Variants in CKAP2 observed in about 807,000 individuals in gnomAD.
CKAP2 encodes the protein cytoskeleton-associated protein 2.
Under a neutral mutation model 58.4 loss-of-function variants are expected in CKAP2, and 46 were observed. That is an observed-to-expected ratio of 0.79 (90% CI 0.62 to 1.01). The LOEUF is 1.01. Ranked by LOEUF, CKAP2 falls within the 50% of genes least tolerant of loss-of-function variation. The probability of loss-of-function intolerance (pLI) is 0.00; values close to 1 mark genes in which losing one functional copy is unlikely to be tolerated. For missense variants in CKAP2, 809 were observed against 796.4 expected (o/e 1.02, Z -0.19); for synonymous variants, 293 against 280.9 (o/e 1.04, Z -0.43).
intron 7 of CKAP2, among the ~76,000 whole-genome samples, chr13:52,471,107 A>C (rs191150606): frequency 6.6e-6 from 1 of 152,190 alleles, no homozygotes; most frequent in East Asian, 1.9e-4. Flanking sequence ...GCAGTGAGCC[A>C]AGATCGCACC....
chr13:52,456,469 C>A, intron 1 of CKAP2, 54 bp from the exon 2 acceptor site: 1 of 1,311,028 alleles, frequency 7.6e-7, no homozygotes, highest in South Asian at 1.2e-5. Flanking sequence ...ATTTATTTGC[C>A]GTTATCGATG....
rs771073982 is a variant in CKAP2 at position 52,461,461 on chromosome 13, C to G, written c.635C>G (p.Pro212Arg). ...ACAAAGAAACTTTCAGCCACTATAC[C>G]TAAAGCCACAAAACCTCAGCCTGTA... Reference protein sequence around the residue: ...AATKKLSATIPKATKPQPVNT... With the variant: ...AATKKLSATIRKATKPQPVNT... The change falls in exon 4 of 9, where the codon CCT becomes CGT. Residue 212 changes from proline (P) to arginine (R), a missense_variant. Physicochemically the swap from Pro to Arg is moderately radical, Grantham distance 103. This residue lies in a region of CKAP2 where 523 missense variants were observed against 492.4 expected (regional missense o/e 1.06). Coordinates refer to ENST00000258607, the MANE Select transcript of CKAP2 (RefSeq NM_018204.5). 8.1e-6 allele frequency: 13 copies of G among 1,614,148 alleles called. No individual in the cohort carries two copies. The highest frequency in any genetic ancestry group is 2.2e-5 in the East Asian group (1 of 44,878).
At chr13:52,466,461 G>A (rs1336684320) in intron 6 of CKAP2, among the ~76,000 whole-genome samples, 1 of 152,212 alleles carries the variant, frequency 6.6e-6, no homozygotes, top group Non-Finnish European at 1.5e-5. Context: ...TGGCTGTCAT[G>A]TGTAAAACTT....
At position 52,461,522 on chromosome 13, in the gene CKAP2, C is replaced by A; in HGVS notation, c.696C>A (p.Ser232=). 6.2e-7 allele frequency: 1 copy of A among 1,614,150 alleles called. No homozygotes were observed. The highest frequency in any genetic ancestry group is 8.5e-7 in the Non-Finnish European group (1 of 1,180,026). Residue 232 remains serine (S), a synonymous_variant, in exon 4 of 9, where the codon TCC becomes TCA. Coordinates refer to ENST00000258607, the MANE Select transcript of CKAP2 (RefSeq NM_018204.5). ...TSSVTVKSNR[S]SNMTATTKFV... Reference sequence around the variant, plus strand: ...GTGTAACAGTGAAAAGTAATAGATCCTCCAATATGACTGCCACTACTAAAT... The same window carrying A: ...GTGTAACAGTGAAAAGTAATAGATCATCCAATATGACTGCCACTACTAAAT...
intron 1 of CKAP2, chr13:52,456,123 C>T (rs945914663): frequency 7.8e-6 from 8 of 1,022,212 alleles, no homozygotes; most frequent in Admixed American, 5.7e-5. Flanking sequence ...TATTGTTATT[C>T]CCTTATTCTA....
At chr13:52,472,785 G>A (rs1177152599) in intron 7 of CKAP2, among the ~76,000 whole-genome samples, 2 of 152,172 alleles carry the variant, frequency 1.3e-5, no homozygotes, top group South Asian at 2.1e-4. Flanking sequence ...GGTGGCTCAC[G>A]CCTATAATCC....
intron 5 of CKAP2, among the ~76,000 whole-genome samples, chr13:52,464,972 CTG>C (rs1197526075): frequency 6.6e-6 from 1 of 152,078 alleles, no homozygotes; most frequent in Non-Finnish European, 1.5e-5. Flanking sequence ...TTATATGTAA[CTG>C]TGACATAAAC....
intron 5 of CKAP2, among the ~76,000 whole-genome samples, chr13:52,463,731 G>T (rs779701282): frequency 2.8e-4 from 42 of 152,208 alleles, no homozygotes; most frequent in Non-Finnish European, 6.0e-4. Flanking sequence ...GAGGCATTCT[G>T]CTGGGTGGCT....
chr13:52,463,389 G>A (rs1958613767), intron 5 of CKAP2, among the ~76,000 whole-genome samples: 1 of 151,938 alleles, frequency 6.6e-6, no homozygotes, highest in Admixed American at 6.6e-5. Context: ...TGGTTGTTTG[G>A]CAACACCATC....
At chr13:52,468,634 A>G (rs1376660469) in intron 7 of CKAP2, among the ~76,000 whole-genome samples, 1 of 152,194 alleles carries the variant, frequency 6.6e-6, no homozygotes, top group Non-Finnish European at 1.5e-5. Context: ...CACATGCAGT[A>G]TTTAGTTTTC....
At chr13:52,462,683 T>A (rs748315888) in intron 5 of CKAP2, 116 bp downstream of exon 5, 37 of 739,384 alleles carry the variant, frequency 5.0e-5, no homozygotes, top group Non-Finnish European at 8.1e-5. Context: ...GATACTATGT[T>A]GACTTAACAT....
rs765710419 is a variant in CKAP2 at position 52,460,946 on chromosome 13, C to A, written c.203C>A (p.Thr68Asn). ...TCTGAGGACCAAGTTCAAGAAGGGA[C>A]TAAAGTGCTGAAACTTAAAACAAAA... is the stretch of plus-strand genomic sequence containing the variant. ...VTSEDQVQEG[T>N]KVLKLKTKMA... Residue 68 changes from threonine to asparagine, a missense_variant, in exon 3 of 9, where the codon ACT becomes AAT. Physicochemically the swap from Thr to Asn is moderately conservative, Grantham distance 65 (BLOSUM62 0). Transcript: ENST00000258607. The A allele has an allele frequency of 1.9e-6, 3 of 1,613,310 alleles. No individual in the cohort carries two copies. Among genetic ancestry groups the A allele is most frequent in the Middle Eastern group, 1.6e-4 (1 of 6,082 alleles).
chr13:52,456,658 T>C (rs1464934783), intron 2 of CKAP2, 51 bp downstream of exon 2: 1 of 1,365,700 alleles, frequency 7.3e-7, no homozygotes, highest in Non-Finnish European at 1.0e-6. Flanking sequence ...ATCAGATCTG[T>C]CCAATGAAAA....
At chr13:52,459,251 A>G (rs750755510) in intron 2 of CKAP2, among the ~76,000 whole-genome samples, 3 of 152,228 alleles carry the variant, frequency 2.0e-5, no homozygotes, top group Non-Finnish European at 4.4e-5. Flanking sequence ...ACAAATAGAT[A>G]TGAAAGGCAA....
chr13:52,465,970 C>T (rs1215470929), intron 6 of CKAP2: 1 of 260,280 alleles, frequency 3.8e-6, no homozygotes, highest in Admixed American at 4.9e-5. Context: ...CATATATACA[C>T]ACATATATGC....
In CKAP2 at chr13:52,475,296, T is replaced by C. The variant is rs2137879030; in HGVS notation, c.*155T>C. On this transcript the variant is annotated 3_prime_UTR_variant, in exon 9 of 9. Coordinates refer to ENST00000258607, the MANE Select transcript of CKAP2 (RefSeq NM_018204.5). ...AGCTCCTTTACTAACATTCATGTTATGGCAAGAGTTGTCCTCTACATTGGA... is the reference window on the plus strand; with the variant it reads ...AGCTCCTTTACTAACATTCATGTTACGGCAAGAGTTGTCCTCTACATTGGA... The C allele has an allele frequency of 2.2e-6, 2 of 891,882 alleles. No individual in the cohort carries two copies. Among genetic ancestry groups the C allele is most frequent in the Non-Finnish European group, 3.3e-6 (2 of 599,274 alleles). The allele number at this position is 891,882 out of a possible 1,614,324, so 55.2% of individuals were successfully genotyped here.
At chr13:52,464,248 CA>C (rs202039890) in intron 5 of CKAP2, among the ~76,000 whole-genome samples, 21 of 149,644 alleles carry the variant, frequency 1.4e-4, no homozygotes, top group Middle Eastern at 3.4e-3. Context: ...CTAAAATACT[CA>C]AAAAAAAAAT....
chr13:52,461,245 A>G lies in CKAP2; in HGVS notation c.419A>G (p.His140Arg). Residue 140 changes from histidine (H) to arginine (R), a missense_variant, in exon 4 of 9, where the codon CAT becomes CGT. By Grantham distance (29) the His-to-Arg change is conservative (BLOSUM62 0). Coordinates refer to ENST00000258607, the MANE Select transcript of CKAP2 (RefSeq NM_018204.5). Reference protein sequence around the residue: ...LLTEDDPQSQHMTLSQAFHLK... With the variant: ...LLTEDDPQSQRMTLSQAFHLK... ...ACTGAAGATGATCCCCAAAGTCAAC[A>G]TATGACATTAAGCCAGGCATTTCAC... 2 of 1,613,906 alleles carry G rather than the reference A, an allele frequency of 1.2e-6. No homozygotes were observed. The highest frequency in any genetic ancestry group is 1.7e-6 in the Non-Finnish European group (2 of 1,179,950).
intron 7 of CKAP2, among the ~76,000 whole-genome samples, chr13:52,473,290 C>T (rs1405227086): frequency 6.6e-6 from 1 of 152,106 alleles, no homozygotes; most frequent in Non-Finnish European, 1.5e-5. Flanking sequence ...CAATCTAGCT[C>T]TCTGGTGAAT....
Sources: allele counts gnomAD v4.1 joint callset (sites outside exome capture counted in the v4.1 genomes callset), GRCh38; gene constraint gnomAD v4.1.1; regional missense constraint gnomAD v4.1.1; transcripts MANE v1.5; gene names NCBI Gene and HGNC (gene_info 2026-07-23, HGNC 2026-07-21).